Variants in CACNA1E observed in about 807,000 individuals in gnomAD.
The protein encoded by CACNA1E is calcium voltage-gated channel subunit alpha1 E, also known as voltage-dependent R-type calcium channel subunit alpha-1E.
Under a neutral mutation model 259.2 loss-of-function variants are expected in CACNA1E, and 40 were observed. The observed-to-expected ratio is 0.15, with a 90% CI of 0.12 to 0.20. The LOEUF (loss-of-function observed/expected upper bound fraction) is 0.20, where lower values mean the gene tolerates loss of function less well. Among genes scored for constraint, CACNA1E ranks in the 10% least tolerant of loss-of-function variants. The pLI is 1.00. For synonymous variants in CACNA1E, 1,104 were observed against 1,138.5 expected, an observed-to-expected ratio of 0.97 and a Z score of 0.61; for missense variants, 1,874 against 3,040.1, an observed-to-expected ratio of 0.62 and a Z score of 9.02.
chr1:181,416,563 C>T (rs1427377335), intron 2 of CACNA1E, among the ~76,000 whole-genome samples: 1 of 152,190 alleles, frequency 6.6e-6, no homozygotes, highest in Non-Finnish European at 1.5e-5. Context: ...TGTTCATCCT[C>T]CTCATCTTCT....
At position 181,616,264 on chromosome 1, in the gene CACNA1E, T is replaced by C. The variant is rs1305642069; in HGVS notation, c.952-35074T>C. On this transcript the variant is annotated intron_variant, in intron 6 of 47. Transcript: ENST00000367573. ...CTACTCTTTGGAAGATTTTGTAAGA[T>C]TGAAGTATTTTCTTCCTTAGAGTTC... 2.6e-5 allele frequency among the ~76,000 whole-genome samples: 4 copies of C among 152,354 alleles called. No homozygotes were observed. In the South Asian group the frequency reaches 6.2e-4, roughly 24 times the overall value.
chr1:181,723,288 T>A (rs1654576781), intron 16 of CACNA1E, among the ~76,000 whole-genome samples: 1 of 151,954 alleles, frequency 6.6e-6, no homozygotes, highest in African/African-American at 2.4e-5. Context: ...CCTCCCAGAA[T>A]GGGGAGATGA....
intron 1 of CACNA1E, among the ~76,000 whole-genome samples, chr1:181,492,241 AC>A (rs1178115389): frequency 6.6e-6 from 1 of 152,178 alleles, no homozygotes; most frequent in Non-Finnish European, 1.5e-5. Context: ...TGTAATGGTG[AC>A]CCCCTAGGTA....
At chr1:181,707,364 T>TTC (rs1236430519) in intron 7 of CACNA1E, among the ~76,000 whole-genome samples, 2 of 151,640 alleles carry the variant, frequency 1.3e-5, no homozygotes, top group Non-Finnish European at 2.9e-5. Context: ...GGATGCCAGG[T>TTC]GGGAGGGTGG....
At chr1:181,381,268 G>A (rs1402492637) in intron 1 of CACNA1E, among the ~76,000 whole-genome samples, 1 of 152,100 alleles carries the variant, frequency 6.6e-6, no homozygotes, top group Non-Finnish European at 1.5e-5. Context: ...ATTAACAGAT[G>A]CATGGATAAA....
At chr1:181,494,908 C>G (rs1664621166) in intron 1 of CACNA1E, among the ~76,000 whole-genome samples, 1 of 152,190 alleles carries the variant, frequency 6.6e-6, no homozygotes, top group Admixed American at 6.5e-5. Context: ...GTGCGTTGAC[C>G]GTTCAGCTTT....
chr1:181,784,828 T>G, intron 41 of CACNA1E, 60 bp downstream of exon 41: 1 of 1,009,822 alleles, frequency 9.9e-7, no homozygotes, highest in South Asian at 1.4e-5. Context: ...AGACTACGTC[T>G]TTGGGGGGAA....
intron 1 of CACNA1E, among the ~76,000 whole-genome samples, chr1:181,357,074 G>A (rs1301825018): frequency 6.6e-6 from 1 of 152,140 alleles, no homozygotes; most frequent in Non-Finnish European, 1.5e-5. Context: ...GAATGTGATT[G>A]CTTCCATTGA....
chr1:181,325,576 G>C (rs1650711710), intron 1 of CACNA1E, among the ~76,000 whole-genome samples: 1 of 152,228 alleles, frequency 6.6e-6, no homozygotes, highest in Non-Finnish European at 1.5e-5. Flanking sequence ...GTTAGTTTGG[G>C]AACCCCTGTT....
At chr1:181,532,665 A>G (rs1389433189) in intron 3 of CACNA1E, among the ~76,000 whole-genome samples, 1 of 152,236 alleles carries the variant, frequency 6.6e-6, no homozygotes, top group Non-Finnish European at 1.5e-5. Flanking sequence ...TTCCCCTTTA[A>G]GCCAACACTT....
At chr1:181,628,100 CTT>C (rs1467369480) in intron 6 of CACNA1E, among the ~76,000 whole-genome samples, 1 of 152,180 alleles carries the variant, frequency 6.6e-6, no homozygotes, top group African/African-American at 2.4e-5. Context: ...CTGTGTGTCT[CTT>C]GAGTCAATGT....
In CACNA1E at chr1:181,793,735, A is replaced by G. The variant is rs1461724797; in HGVS notation, c.5969A>G (p.Gln1990Arg). 5 of 1,611,758 alleles carry G rather than the reference A, an allele frequency of 3.1e-6. No individual in the cohort carries two copies. The highest frequency in any genetic ancestry group is 4.2e-6 in the Non-Finnish European group (5 of 1,179,452). Residue 1990 changes from glutamine to arginine, a missense_variant, in exon 45 of 48, where the codon CAG becomes CGG. Physicochemically the swap from Gln to Arg is conservative, Grantham distance 43 (BLOSUM62 1). Transcript: ENST00000367573. Reference protein sequence around the residue: ...NHGIYLPSDTQEHAGSGRASS... With the variant: ...NHGIYLPSDTREHAGSGRASS... ...GGCATCTACCTTCCTTCGGACACCC[A>G]GGAGCATGCGGGATCTGGGAGGGCA...
At chr1:181,430,558 C>T (rs534486942) in intron 2 of CACNA1E, among the ~76,000 whole-genome samples, 126 of 152,232 alleles carry the variant, frequency 8.3e-4, no homozygotes, top group African/African-American at 2.9e-3. Flanking sequence ...TGTACATGCC[C>T]GAAAAGAGGA....
intron 26 of CACNA1E, among the ~76,000 whole-genome samples, chr1:181,751,509 C>A (rs1261041494): frequency 3.3e-5 from 5 of 152,200 alleles, no homozygotes; most frequent in Non-Finnish European, 5.9e-5. Flanking sequence ...TAGAAGCCTG[C>A]ATGACATGCT....
At chr1:181,649,892 A>G (rs1369838496) in intron 6 of CACNA1E, among the ~76,000 whole-genome samples, 1 of 152,214 alleles carries the variant, frequency 6.6e-6, no homozygotes. Context: ...AGAAAAAAGC[A>G]GCTATTGGGT....
In CACNA1E at chr1:181,768,630, A is replaced by G. The variant is rs1448752734; in HGVS notation, c.4881+2019A>G. ...AGAAGTTGTTCAATTATGAAATTGT[A>G]GTCTTCACAATAACTGTATGGTCTA... On this transcript the variant is annotated intron_variant, in intron 35 of 47. Coordinates refer to ENST00000367573, the MANE Select transcript of CACNA1E (RefSeq NM_001205293.3). 2.6e-5 allele frequency among the ~76,000 whole-genome samples: 4 copies of G among 152,330 alleles called. No homozygotes were observed. The East Asian group carries it at 7.7e-4, about 29-fold the overall frequency.
intron 1 of CACNA1E, among the ~76,000 whole-genome samples, chr1:181,394,889 A>G (rs1346711286): frequency 1.3e-5 from 2 of 152,174 alleles, no homozygotes; most frequent in African/African-American, 2.4e-5. Context: ...AGAAGGAGGT[A>G]GAGTCTGGGA....
At chr1:181,686,282 T>TTTTTG (rs1650539565) in intron 7 of CACNA1E, among the ~76,000 whole-genome samples, 2 of 124,062 alleles carry the variant, frequency 1.6e-5, no homozygotes, top group Non-Finnish European at 1.7e-5. Context: ...CAAGTTTTTT[T>TTTTTG]TTTTTTTTTT....
chr1:181,416,024 C>T (rs527895470), intron 2 of CACNA1E, among the ~76,000 whole-genome samples: 7 of 152,250 alleles, frequency 4.6e-5, no homozygotes, highest in Non-Finnish European at 8.8e-5. Flanking sequence ...ATCTGTCTCT[C>T]TGTCCTCGCT....
Sources: allele counts gnomAD v4.1 joint callset (sites outside exome capture counted in the v4.1 genomes callset), GRCh38; gene constraint gnomAD v4.1.1; transcripts MANE v1.5; gene names NCBI Gene and HGNC (gene_info 2026-07-23, HGNC 2026-07-21).